The following FRRS1 variants were observed in gnomAD, a reference collection of about 807,000 sequenced individuals.
FRRS1 encodes the protein ferric reductase 1.
In FRRS1, 51 loss-of-function variants were observed where a neutral mutation model predicts 70.7. The observed-to-expected ratio is 0.72, with a 90% CI of 0.58 to 0.91. The LOEUF (loss-of-function observed/expected upper bound fraction) is 0.91. Ranked by LOEUF, FRRS1 falls within the 40% of genes least tolerant of loss-of-function variation. The probability of loss-of-function intolerance (pLI) is 0.00; values close to 1 mark genes in which losing one functional copy is unlikely to be tolerated. For synonymous variants in FRRS1, 225 were observed against 238.7 expected, an observed-to-expected ratio of 0.94 and a Z score of 0.53; for missense variants, 672 against 726.0, an observed-to-expected ratio of 0.93 and a Z score of 0.86.
chr1:99,748,940 A>T lies in FRRS1; in HGVS notation c.-44T>A. 1.9e-6 allele frequency: 1 copy of T among 526,252 alleles called. No homozygotes were observed. Among genetic ancestry groups the T allele is most frequent in the Non-Finnish European group, 3.3e-6 (1 of 299,728 alleles). The allele number at this position is 526,252 out of a possible 1,614,324, so 32.6% of individuals were successfully genotyped here. ...TATGTGAAGTTTCACCCGAATTTCA[A>T]TCTCAGCTCTACAAATTACTGTGAG... On this transcript the variant is annotated 5_prime_UTR_variant, in exon 2 of 17. The change creates a new upstream start codon in the 5' untranslated region. Transcript: ENST00000646001.
At chr1:99,747,160 T>G (rs1461530760) in intron 4 of FRRS1, 134 bp downstream of exon 4, 4 of 602,456 alleles carry the variant, frequency 6.6e-6, no homozygotes, top group Non-Finnish European at 1.2e-5. Context: ...CAGTAAGGCT[T>G]CTGGTCACCA....
chr1:99,710,684 T>C, intron 15 of FRRS1, 122 bp downstream of exon 15: 1 of 748,910 alleles, frequency 1.3e-6, no homozygotes, highest in East Asian at 2.8e-5. Flanking sequence ...ACTGGCTGAG[T>C]GATCACAAGT....
Position 99,728,507 on chromosome 1 carries a change from C to CATTA in FRRS1, c.991_992insTAAT (p.Gly331ValfsTer5). 1 of 1,611,536 alleles carries CATTA rather than the reference C, an allele frequency of 6.2e-7. No homozygotes were observed. The highest frequency in any genetic ancestry group is 8.5e-7 in the Non-Finnish European group (1 of 1,177,972). Reference sequence around the variant, plus strand: ...AATATACTTACCATCATTAGCTGCACCATCTGCTAGAAATATGTAATAGCT... The same window carrying CATTA: ...AATATACTTACCATCATTAGCTGCACATTACATCTGCTAGAAATATGTAATAGCT... On this transcript the variant is annotated frameshift_variant, in exon 9 of 17. Coordinates refer to ENST00000646001, the MANE Select transcript of FRRS1 (RefSeq NM_001361041.2). LOFTEE classifies it high-confidence loss of function.
At chr1:99,740,495 T>C (rs1305620316) in intron 6 of FRRS1, among the ~76,000 whole-genome samples, 1 of 152,218 alleles carries the variant, frequency 6.6e-6, no homozygotes, top group Non-Finnish European at 1.5e-5. Context: ...AATTTACCTG[T>C]TTGCTCACAT....
At chr1:99,742,658 CATG>C (rs1243656525) in intron 4 of FRRS1, among the ~76,000 whole-genome samples, 2 of 152,196 alleles carry the variant, frequency 1.3e-5, no homozygotes, top group Admixed American at 1.3e-4. Flanking sequence ...AAATACGTAG[CATG>C]ATATTTTAGT....
intron 1 of FRRS1, among the ~76,000 whole-genome samples, chr1:99,755,671 T>A (rs563248448): frequency 6.6e-6 from 1 of 152,222 alleles, no homozygotes; most frequent in East Asian, 1.9e-4. Flanking sequence ...ATCAACCAAG[T>A]CACTAAATCT....
rs112313294 is a variant in FRRS1 at position 99,710,816 on chromosome 1, G to C, written c.1614C>G (p.Leu538=). ...EVVLEVHAYR[L]SRKVEILDDD... is the part of the protein sequence containing the mutation. ...TTTTTACCAGGTTACCTTTGCGAGAGAGCCGATAAGCATGTACCTCCAGAA... is the reference window on the plus strand; with the variant it reads ...TTTTTACCAGGTTACCTTTGCGAGACAGCCGATAAGCATGTACCTCCAGAA... The change falls in exon 15 of 17, where the codon CTC becomes CTG. Residue 538 remains leucine (L), a synonymous_variant. Coordinates refer to ENST00000646001, the MANE Select transcript of FRRS1 (RefSeq NM_001361041.2). 3.7e-6 allele frequency: 6 copies of C among 1,613,706 alleles called. No homozygotes were observed. The highest frequency in any genetic ancestry group is 2.7e-5 in the African/African-American group (2 of 74,980).
intron 9 of FRRS1, among the ~76,000 whole-genome samples, chr1:99,720,586 G>C (rs61782960): frequency 5.2e-4 from 79 of 151,868 alleles, no homozygotes; most frequent in Non-Finnish European, 1.0e-3. Flanking sequence ...AAAGGATACA[G>C]GTTATATTAT....
intron 7 of FRRS1, among the ~76,000 whole-genome samples, chr1:99,734,315 A>G (rs963763857): frequency 6.6e-6 from 1 of 152,202 alleles, no homozygotes; most frequent in Admixed American, 6.5e-5. Context: ...TATTGTGGTA[A>G]TTGTAGGAGA....
At chr1:99,710,992 C>A in intron 14 of FRRS1, 43 bp from the exon 15 acceptor site, 2 of 1,551,618 alleles carry the variant, frequency 1.3e-6, no homozygotes, top group Non-Finnish European at 1.8e-6. Flanking sequence ...GTAGTCCCAC[C>A]AAGAGAGACA....
At chr1:99,755,852 C>T (rs1263366493) in intron 1 of FRRS1, among the ~76,000 whole-genome samples, 1 of 152,146 alleles carries the variant, frequency 6.6e-6, no homozygotes, top group African/African-American at 2.4e-5. Context: ...CACCCATCAT[C>T]GATTAGGAAA....
chr1:99,728,758 G>T, intron 8 of FRRS1, 118 bp from the exon 9 acceptor site: 2 of 663,590 alleles, frequency 3.0e-6, no homozygotes. Flanking sequence ...TCCATGCTTT[G>T]TCTGCAGTGT....
chr1:99,733,668 A>T (rs1214745319), intron 7 of FRRS1, among the ~76,000 whole-genome samples: 3 of 152,184 alleles, frequency 2.0e-5, no homozygotes, highest in Non-Finnish European at 4.4e-5. Context: ...TGTTATATAA[A>T]AGGGAAAGGC....
intron 7 of FRRS1, among the ~76,000 whole-genome samples, chr1:99,737,296 G>A (rs1463588242): frequency 6.6e-6 from 1 of 152,110 alleles, no homozygotes; most frequent in Non-Finnish European, 1.5e-5. Flanking sequence ...GCCTTCTGCT[G>A]ATTTGACAAA....
At chr1:99,711,056 G>A in intron 14 of FRRS1, 107 bp from the exon 15 acceptor site, 1 of 925,608 alleles carries the variant, frequency 1.1e-6, no homozygotes, top group Non-Finnish European at 1.6e-6. Context: ...AAGAGTTTGA[G>A]ATAAAAGAAG....
intron 1 of FRRS1, among the ~76,000 whole-genome samples, chr1:99,753,864 A>T (rs922149263): frequency 6.6e-6 from 1 of 152,244 alleles, no homozygotes; most frequent in African/African-American, 2.4e-5. Flanking sequence ...GTGGATCAGG[A>T]AACAGACCCT....
At chr1:99,759,965 C>A (rs1342769122) in intron 1 of FRRS1, among the ~76,000 whole-genome samples, 1 of 152,156 alleles carries the variant, frequency 6.6e-6, no homozygotes, top group Non-Finnish European at 1.5e-5. Flanking sequence ...GTAAACAGGT[C>A]CAGCAAGGAT....
chr1:99,722,010 A>T (rs1654857244), intron 9 of FRRS1, among the ~76,000 whole-genome samples: 2 of 150,342 alleles, frequency 1.3e-5, no homozygotes, highest in Admixed American at 6.6e-5. Flanking sequence ...ATTTTATTTT[A>T]TTATTATTAT....
Position 99,728,643 on chromosome 1 carries a change from A to G in FRRS1, c.859-3T>C, listed in dbSNP as rs767587762. 2 of 1,612,386 alleles carry G rather than the reference A, an allele frequency of 1.2e-6. No individual in the cohort carries two copies. The highest frequency in any genetic ancestry group is 1.7e-5 in the Admixed American group (1 of 59,866). On this transcript the variant is annotated splice_region_variant and splice_polypyrimidine_tract_variant and intron_variant, in intron 8 of 16. Coordinates refer to ENST00000646001, the MANE Select transcript of FRRS1 (RefSeq NM_001361041.2). The stretch of plus-strand genomic sequence containing the variant: ...CAAGCCATATCCTCAAGGGTATCCT[A>G]CAAACACACACAATGGGTCTTCTCA...
Sources: allele counts gnomAD v4.1 joint callset (sites outside exome capture counted in the v4.1 genomes callset), GRCh38; gene constraint gnomAD v4.1.1; transcripts MANE v1.5; gene names NCBI Gene and HGNC (gene_info 2026-07-23, HGNC 2026-07-21).